SYTL5: variants seen among roughly 807,000 people sequenced by gnomAD.
The protein encoded by SYTL5 is synaptotagmin-like protein 5.
SYTL5 carries 34 observed loss-of-function variants against 55.9 expected under a neutral mutation model. The ratio of observed to expected loss-of-function variants is 0.61; its 90% CI spans 0.46 to 0.81. SYTL5 has a LOEUF of 0.81. Ranked by LOEUF, SYTL5 falls within the 30% of genes least tolerant of loss-of-function variation. SYTL5 has a pLI of 0.00. For synonymous variants in SYTL5, 221 were observed against 188.7 expected (o/e 1.17, Z -1.40); for missense variants, 637 against 546.7 (o/e 1.17, Z -1.65).
chrX:38,125,458 T>G lies in SYTL5; in HGVS notation c.2002T>G (p.Phe668Val), dbSNP rs770923911. Reference sequence around the variant, plus strand: ...ACTTACTATCTGGGACAAGGAGGCCTTTTCCAGCAACATCTTTCTGGGAGG... The same window carrying G: ...ACTTACTATCTGGGACAAGGAGGCCGTTTCCAGCAACATCTTTCTGGGAGG... The part of the protein sequence containing the change: ...LELTIWDKEA[F>V]SSNIFLGGVR... The change falls in exon 16 of 17, where the codon TTT (phenylalanine) becomes GTT (valine). Residue 668 changes from phenylalanine to valine, a missense_variant. Phe to Val is a conservative substitution (Grantham distance 50, BLOSUM62 -1). Transcript: ENST00000297875. The G allele has an allele frequency of 8.3e-7, 1 of 1,210,345 alleles. No individual in the cohort carries two copies. The highest frequency in any genetic ancestry group is 1.1e-6 in the Non-Finnish European group (1 of 894,253).
At chrX:38,070,817 G>A (rs1375135840) in intron 3 of SYTL5, among the ~76,000 whole-genome samples, 1 of 111,777 alleles carries the variant, frequency 8.9e-6, no homozygotes, top group Non-Finnish European at 1.9e-5. Flanking sequence ...TCTACCGAAT[G>A]ACTTCTACAG....
intron 2 of SYTL5, among the ~76,000 whole-genome samples, chrX:38,045,759 T>G (rs1019160224): frequency 8.9e-5 from 10 of 112,588 alleles, no homozygotes; most frequent in Non-Finnish European, 1.5e-4. Flanking sequence ...GTTGTGATTC[T>G]TTTTAATAGC....
chrX:37,970,564 C>A, the SYTL5 span, among the ~76,000 whole-genome samples: 2 of 111,052 alleles, frequency 1.8e-5, no homozygotes, highest in Admixed American at 1.9e-4. Context: ...TAATTAATAA[C>A]CTTAGATCCT....
intron 2 of SYTL5, among the ~76,000 whole-genome samples, chrX:38,046,311 A>C (rs1438346908): frequency 8.9e-6 from 1 of 112,003 alleles, no homozygotes; most frequent in African/African-American, 3.2e-5. Context: ...GGCAATTTAC[A>C]AAAGAAAAAG....
chrX:37,932,483 T>C, the SYTL5 span, among the ~76,000 whole-genome samples: 2 of 111,951 alleles, frequency 1.8e-5, no homozygotes, highest in African/African-American at 6.5e-5. Context: ...GTAGCATTCC[T>C]TTTATAAATC....
intron 1 of SYTL5, among the ~76,000 whole-genome samples, chrX:38,032,887 C>A (rs1212362703): frequency 9.1e-6 from 1 of 110,439 alleles, no homozygotes; most frequent in East Asian, 2.8e-4. Context: ...CCATGCCCAG[C>A]TAATTTTTAA....
At chrX:38,126,466 A>G (rs1178076213) in intron 16 of SYTL5, 122 bp from the exon 17 acceptor site, 2 of 650,758 alleles carry the variant, frequency 3.1e-6, no homozygotes, top group Non-Finnish European at 4.7e-6. Context: ...ATATATACTA[A>G]GTGAGAACAA....
chrX:38,126,518 T>G (rs2147737304), intron 16 of SYTL5, 70 bp from the exon 17 acceptor site: 1 of 1,133,410 alleles, frequency 8.8e-7, no homozygotes, highest in Non-Finnish European at 1.2e-6. Context: ...GCTCAGAAGT[T>G]GATAGATACC....
At chrX:37,907,480 G>A in the SYTL5 span, among the ~76,000 whole-genome samples, 1 of 111,887 alleles carries the variant, frequency 8.9e-6, no homozygotes, top group Non-Finnish European at 1.9e-5. Context: ...TCGTCCCCGG[G>A]GAGCCGTTAA....
intron 5 of SYTL5, among the ~76,000 whole-genome samples, chrX:38,075,355 TA>T (rs370425340): frequency 2.7e-5 from 3 of 111,838 alleles, no homozygotes; most frequent in African/African-American, 9.7e-5. Context: ...GTGAGCTTCC[TA>T]AAAGCCTTTC....
intron 13 of SYTL5, among the ~76,000 whole-genome samples, chrX:38,112,892 G>C (rs775632470): frequency 8.9e-6 from 1 of 112,177 alleles, no homozygotes; most frequent in Non-Finnish European, 1.9e-5. Flanking sequence ...TTATGCAGTC[G>C]AGAAGGTGAA....
the SYTL5 span, among the ~76,000 whole-genome samples, chrX:37,965,266 G>A: frequency 3.4e-4 from 38 of 111,029 alleles, no homozygotes; most frequent in Non-Finnish European, 5.5e-4. Context: ...TTGTATTTTT[G>A]TTTTCATTTG....
intron 15 of SYTL5, 26 bp from the exon 16 acceptor site, chrX:38,125,272 T>C: frequency 8.5e-7 from 1 of 1,176,690 alleles, no homozygotes; most frequent in Non-Finnish European, 1.2e-6. Flanking sequence ...GTCTTATTGA[T>C]GATTTGATTG....
At chrX:37,953,171 G>A in the SYTL5 span, among the ~76,000 whole-genome samples, 1 of 111,688 alleles carries the variant, frequency 9.0e-6, no homozygotes, top group Non-Finnish European at 1.9e-5. Context: ...AAATTATTTA[G>A]TATAATGTTG....
chrX:38,082,769 G>A (rs1936565378), intron 6 of SYTL5, among the ~76,000 whole-genome samples: 1 of 111,963 alleles, frequency 8.9e-6, no homozygotes, highest in Non-Finnish European at 1.9e-5. Flanking sequence ...AGAAAGATAG[G>A]AAGAGCATTC....
intron 2 of SYTL5, among the ~76,000 whole-genome samples, chrX:38,043,930 C>T (rs925283996): frequency 9.2e-6 from 1 of 108,593 alleles, no homozygotes; most frequent in East Asian, 2.9e-4. Flanking sequence ...TTTCCATGAA[C>T]ATTCTCATTC....
At chrX:37,889,791 G>T in the SYTL5 span, among the ~76,000 whole-genome samples, 1 of 110,616 alleles carries the variant, frequency 9.0e-6, no homozygotes, top group Non-Finnish European at 1.9e-5. Flanking sequence ...AAAAGGAAGT[G>T]CCACTAATGC....
intron 13 of SYTL5, among the ~76,000 whole-genome samples, chrX:38,117,470 G>A (rs181537525): frequency 6.3e-5 from 7 of 111,739 alleles, no homozygotes; most frequent in African/African-American, 1.6e-4. Context: ...TTTCATACCC[G>A]AAGATCTCAC....
At chrX:38,009,147 A>G (rs997690767) in intron 1 of SYTL5, among the ~76,000 whole-genome samples, 1 of 110,654 alleles carries the variant, frequency 9.0e-6, no homozygotes, top group Admixed American at 9.6e-5. Context: ...CTTCTTGTCT[A>G]TTTTTCCTTT....
Sources: allele counts gnomAD v4.1 joint callset (sites outside exome capture counted in the v4.1 genomes callset), GRCh38; gene constraint gnomAD v4.1.1; transcripts MANE v1.5; gene names NCBI Gene and HGNC (gene_info 2026-07-23, HGNC 2026-07-21).